The following SLC4A4 variants were observed in gnomAD, a reference collection of about 807,000 sequenced individuals.
SLC4A4 encodes the protein solute carrier family 4 member 4, also known as electrogenic sodium bicarbonate cotransporter 1.
SLC4A4 carries 27 observed loss-of-function variants against 111.5 expected under a neutral mutation model. The observed-to-expected ratio is 0.24, with a 90% confidence interval of 0.18 to 0.33. The LOEUF is 0.33. Among genes scored for constraint, SLC4A4 ranks in the 10% least tolerant of loss-of-function variants. The pLI is 1.00. For missense variants in SLC4A4, 909 were observed against 1,315.5 expected, an observed-to-expected ratio of 0.69 and a Z score of 4.78; for synonymous variants, 443 against 463.4, an observed-to-expected ratio of 0.96 and a Z score of 0.57.
chr4:71,138,233 A>G (rs1277585752), intron 2 of SLC4A4, among the ~76,000 whole-genome samples: 1 of 152,080 alleles, frequency 6.6e-6, no homozygotes, highest in African/African-American at 2.4e-5. Flanking sequence ...CAGTGTTATC[A>G]CCTCTATTAA....
At chr4:71,558,946 C>T (rs1736721602) in intron 22 of SLC4A4, among the ~76,000 whole-genome samples, 1 of 151,714 alleles carries the variant, frequency 6.6e-6, no homozygotes. Flanking sequence ...ATCTGCCTAC[C>T]TACAAATTTT....
intron 23 of SLC4A4, among the ~76,000 whole-genome samples, chr4:71,562,279 G>A (rs768508141): frequency 2.0e-5 from 3 of 151,672 alleles, no homozygotes; most frequent in Non-Finnish European, 4.4e-5. Flanking sequence ...AGGCAATTTA[G>A]AGTACGTCTG....
chr4:71,252,050 A>C (rs1472066042), intron 2 of SLC4A4, among the ~76,000 whole-genome samples: 1 of 152,210 alleles, frequency 6.6e-6, no homozygotes, highest in Non-Finnish European at 1.5e-5. Context: ...TAATTTTAAA[A>C]ATAGTCATCA....
intron 18 of SLC4A4, among the ~76,000 whole-genome samples, chr4:71,535,470 A>C (rs1167913525): frequency 1.3e-5 from 2 of 152,160 alleles, no homozygotes; most frequent in Non-Finnish European, 2.9e-5. Context: ...CTTTGGTCAA[A>C]GAAGAGATGT....
intron 8 of SLC4A4, among the ~76,000 whole-genome samples, chr4:71,444,361 G>C (rs891822784): frequency 1.3e-5 from 2 of 152,110 alleles, no homozygotes; most frequent in African/African-American, 4.8e-5. Context: ...AAGTAGAAAA[G>C]GGCCTCATGA....
At chr4:71,249,329 C>A (rs954003637) in intron 2 of SLC4A4, among the ~76,000 whole-genome samples, 11 of 152,046 alleles carry the variant, frequency 7.2e-5, no homozygotes, top group African/African-American at 2.7e-4. Flanking sequence ...TTAATAAACA[C>A]ATTATTTTTT....
intron 16 of SLC4A4, among the ~76,000 whole-genome samples, chr4:71,520,899 G>A (rs555142858): frequency 6.6e-6 from 1 of 152,148 alleles, no homozygotes; most frequent in East Asian, 1.9e-4. Flanking sequence ...GTGTTACCTA[G>A]CTTGATCTCA....
intron 4 of SLC4A4, among the ~76,000 whole-genome samples, chr4:71,343,724 A>G (rs1424377786): frequency 6.6e-6 from 1 of 152,192 alleles, no homozygotes. Flanking sequence ...ATTGCTGCAG[A>G]TGGCTCCTAA....
rs1736620633 is a variant in SLC4A4, at chr4:71,557,955, GAC to G, written c.2937+76_2937+77del. Reference sequence around the variant, plus strand: ...ATCATGTGGTTATTGTTATATGGAAGACACACATGTCTTTTATGTGTTGTTCC... The same window carrying G: ...ATCATGTGGTTATTGTTATATGGAAGACACATGTCTTTTATGTGTTGTTCC... On this transcript the variant is annotated intron_variant, in intron 22 of 25. Coordinates refer to ENST00000264485, the MANE Select transcript of SLC4A4 (RefSeq NM_001098484.3). 6 of 1,354,902 alleles carry G rather than the reference GAC, an allele frequency of 4.4e-6. No homozygotes were observed. The East Asian group carries it at 1.4e-4, about 31-fold the overall frequency. The allele number at this position is 1,354,902 out of a possible 1,614,324, so 83.9% of individuals were successfully genotyped here. A position where few individuals can be genotyped will look rare whatever the true frequency, so the allele number is the denominator to read the frequency against.
At chr4:71,400,889 GTTTGT>G (rs1720295918) in intron 7 of SLC4A4, among the ~76,000 whole-genome samples, 1 of 152,074 alleles carries the variant, frequency 6.6e-6, no homozygotes, top group Non-Finnish European at 1.5e-5. Flanking sequence ...CCAGGCTTAT[GTTTGT>G]TTTGAGAAAG....
intron 14 of SLC4A4, among the ~76,000 whole-genome samples, chr4:71,475,164 GA>G (rs60386186): frequency 1.3e-5 from 2 of 150,812 alleles, no homozygotes; most frequent in African/African-American, 4.9e-5. Flanking sequence ...TTTTCTAAAG[GA>G]AAAAAAACAC....
upstream of SLC4A4, among the ~76,000 whole-genome samples, chr4:71,182,742 A>C (rs80069036): frequency 2.3e-5 from 3 of 128,368 alleles, no homozygotes; most frequent in African/African-American, 6.1e-5. Context: ...ACACACACAC[A>C]CTCTCTCTCA....
chr4:71,115,939 G>C (rs1446882561), intron 2 of SLC4A4, among the ~76,000 whole-genome samples: 1 of 152,062 alleles, frequency 6.6e-6, no homozygotes, highest in Admixed American at 6.5e-5. Context: ...TTGTTGCCCA[G>C]GCTGGAGTGC....
chr4:71,117,502 A>AT (rs1398850536), intron 2 of SLC4A4, among the ~76,000 whole-genome samples: 1 of 152,192 alleles, frequency 6.6e-6, no homozygotes, highest in African/African-American at 2.4e-5. Context: ...AGATTGTGCT[A>AT]TTTTTTATAG....
chr4:71,207,327 T>A (rs1421515860), intron 1 of SLC4A4, among the ~76,000 whole-genome samples: 2 of 152,236 alleles, frequency 1.3e-5, no homozygotes, highest in Non-Finnish European at 2.9e-5. Flanking sequence ...TCTAGACAGA[T>A]GGTCTTCCTG....
intron 1 of SLC4A4, among the ~76,000 whole-genome samples, chr4:71,084,083 C>G (rs2148935963): frequency 6.6e-6 from 1 of 151,906 alleles, no homozygotes; most frequent in South Asian, 2.1e-4. Flanking sequence ...AGCTACAAAG[C>G]TCTTATAACC....
intron 6 of SLC4A4, among the ~76,000 whole-genome samples, chr4:71,393,597 A>G (rs1337781909): frequency 6.6e-6 from 1 of 152,142 alleles, no homozygotes; most frequent in East Asian, 1.9e-4. Context: ...GTCAAAAGCA[A>G]TCTACAAATT....
intron 14 of SLC4A4, among the ~76,000 whole-genome samples, chr4:71,483,587 A>G (rs1193081375): frequency 2.0e-5 from 3 of 151,728 alleles, no homozygotes; most frequent in Non-Finnish European, 4.4e-5. Context: ...TGGGCAGTTA[A>G]GTTGATTCTA....
At chr4:71,422,113 G>C (rs1448929541) in intron 7 of SLC4A4, among the ~76,000 whole-genome samples, 1 of 145,396 alleles carries the variant, frequency 6.9e-6, no homozygotes, top group Non-Finnish European at 1.5e-5. Context: ...GAAAAAAAGA[G>C]AGAAGAATCA....
Sources: gnomAD v4.1 joint callset for allele counts (sites outside exome capture counted in the v4.1 genomes callset) on GRCh38, gnomAD v4.1.1 for gene constraint, MANE v1.5 for transcripts, NCBI Gene and HGNC (gene_info 2026-07-23, HGNC 2026-07-21) for gene names.